The following KCNH8 variants were observed in gnomAD, a reference collection of about 807,000 sequenced individuals.
KCNH8 encodes voltage-gated delayed rectifier potassium channel KCNH8.
A neutral mutation model predicts 103.6 loss-of-function variants in KCNH8; 70 were observed. The observed-to-expected ratio is 0.68, with a 90% CI of 0.56 to 0.82. KCNH8 has a LOEUF of 0.82. Ranked by LOEUF, KCNH8 falls within the 40% of genes least tolerant of loss-of-function variation. The pLI, the probability that KCNH8 is intolerant of heterozygous loss-of-function variation, is 0.00. For missense variants in KCNH8, 1,217 were observed against 1,329.9 expected (o/e 0.92, Z 1.32); for synonymous variants, 498 against 489.4 (o/e 1.02, Z -0.23).
rs375561597 is a variant in KCNH8, at chr3:19,297,393, A to G, written c.442+16064A>G. On this transcript the variant is annotated intron_variant, in intron 3 of 15. Transcript: ENST00000328405. Reference sequence around the variant, plus strand: ...AGATTCAGCAATACCTAGATGATACATTGATGAAAATATAAGTTATTTAAC... The same window carrying G: ...AGATTCAGCAATACCTAGATGATACGTTGATGAAAATATAAGTTATTTAAC... Among the ~76,000 whole-genome samples, 14 of 152,342 alleles carry G rather than the reference A, an allele frequency of 9.2e-5. 1 individual carries two copies. Among genetic ancestry groups the G allele is most frequent in the Admixed American group, 4.6e-4 (7 of 15,296 alleles).
chr3:19,527,779 GTTGT>G (rs1575177154), intron 15 of KCNH8, among the ~76,000 whole-genome samples: 1 of 152,092 alleles, frequency 6.6e-6, no homozygotes, highest in Non-Finnish European at 1.5e-5. Flanking sequence ...GACAGGGGAT[GTTGT>G]TTAACAAGAG....
At chr3:19,249,913 T>G (rs1159497923) in intron 1 of KCNH8, among the ~76,000 whole-genome samples, 1 of 152,174 alleles carries the variant, frequency 6.6e-6, no homozygotes, top group Non-Finnish European at 1.5e-5. Context: ...TTATATAGTC[T>G]TTATGGGGTA....
chr3:19,158,224 C>T (rs190691129), intron 1 of KCNH8, among the ~76,000 whole-genome samples: 30 of 151,504 alleles, frequency 2.0e-4, no homozygotes, highest in Admixed American at 2.0e-3. Context: ...AACAATTCAT[C>T]TTCTTTATGT....
rs77481073 is a variant in KCNH8, at chr3:19,477,775, A to C, written c.2040+20793A>C. ...CAAATACATCTTCTTCTTTAAATCT[A>C]TTTATTTATTATTTACATTTAGGAA... On this transcript the variant is annotated intron_variant, in intron 11 of 15. Coordinates refer to ENST00000328405, the MANE Select transcript of KCNH8 (RefSeq NM_144633.3). Among the ~76,000 whole-genome samples the C allele has an allele frequency of 0.024, 3,655 of 152,272 alleles. 236 individuals are homozygous for C. In the East Asian group the frequency reaches 0.26, roughly 11 times the overall value.
intron 1 of KCNH8, among the ~76,000 whole-genome samples, chr3:19,203,689 TAAG>T (rs891631868): frequency 6.6e-5 from 10 of 152,158 alleles, no homozygotes; most frequent in Middle Eastern, 3.5e-3. Flanking sequence ...TAGAAATAGA[TAAG>T]AAACTCTTCA....
intron 2 of KCNH8, among the ~76,000 whole-genome samples, chr3:19,267,718 A>G (rs1469531887): frequency 6.6e-6 from 1 of 152,128 alleles, no homozygotes; most frequent in Non-Finnish European, 1.5e-5. Flanking sequence ...CGGATAAAGA[A>G]AGTAAGCTAT....
In KCNH8 at chr3:19,198,440, C is replaced by T. The variant is rs577363897; in HGVS notation, c.76+49645C>T. 3.3e-5 allele frequency among the ~76,000 whole-genome samples: 5 copies of T among 151,988 alleles called. No individual in the cohort carries two copies. The South Asian group carries it at 1.0e-3, about 32-fold the overall frequency. On this transcript the variant is annotated intron_variant, in intron 1 of 15. Coordinates refer to ENST00000328405, the MANE Select transcript of KCNH8 (RefSeq NM_144633.3). Reference sequence around the variant, plus strand: ...AGTGGGTTCAGGTTTGGCTGTGGTACAAAATAAAGCTGGAGAAGTCACAGA... The same window carrying T: ...AGTGGGTTCAGGTTTGGCTGTGGTATAAAATAAAGCTGGAGAAGTCACAGA...
intron 5 of KCNH8, among the ~76,000 whole-genome samples, chr3:19,348,847 A>C (rs547982884): frequency 4.3e-4 from 66 of 152,254 alleles, no homozygotes; most frequent in African/African-American, 1.4e-3. Flanking sequence ...AAAGAAAAAT[A>C]AATAATTAAG....
chr3:19,498,529 C>A (rs1358844329), intron 11 of KCNH8, among the ~76,000 whole-genome samples: 4 of 152,146 alleles, frequency 2.6e-5, no homozygotes, highest in African/African-American at 9.7e-5. Flanking sequence ...ATATAAAATT[C>A]TTGGTGGAAA....
At chr3:19,198,725 C>T (rs1176876851) in intron 1 of KCNH8, among the ~76,000 whole-genome samples, 2 of 152,026 alleles carry the variant, frequency 1.3e-5, no homozygotes, top group Admixed American at 6.6e-5. Context: ...TACCCACTCC[C>T]CACTGATGTT....
intron 7 of KCNH8, among the ~76,000 whole-genome samples, chr3:19,407,568 T>A (rs1452419722): frequency 6.6e-6 from 1 of 151,898 alleles, no homozygotes; most frequent in African/African-American, 2.4e-5. Flanking sequence ...CAGGCAGATA[T>A]CCAGGTATTT....
chr3:19,178,317 G>C (rs1047442666), intron 1 of KCNH8, among the ~76,000 whole-genome samples: 2 of 152,000 alleles, frequency 1.3e-5, no homozygotes, highest in African/African-American at 4.8e-5. Context: ...AGGGCTAGTG[G>C]TCTCTTTCAG....
In KCNH8 at chr3:19,364,620, G is replaced by A. The variant is rs79644537; in HGVS notation, c.811+16655G>A. Among the ~76,000 whole-genome samples the A allele has an allele frequency of 8.5e-5, 13 of 152,106 alleles. No individual in the cohort carries two copies. In the East Asian group the frequency reaches 2.5e-3, roughly 30 times the overall value. On this transcript the variant is annotated intron_variant, in intron 5 of 15. Transcript: ENST00000328405. ...ACTACACTACCACTTCAGATTCCCA[G>A]TGAGGTGTAAGGTAGTAAGTGTCTT...
intron 3 of KCNH8, among the ~76,000 whole-genome samples, chr3:19,309,214 C>A (rs1346962260): frequency 6.6e-6 from 1 of 151,916 alleles, no homozygotes; most frequent in East Asian, 1.9e-4. Context: ...ACAGCAAGTG[C>A]TGCCATTGTC....
chr3:19,503,919 A>G (rs1194611542), intron 11 of KCNH8, among the ~76,000 whole-genome samples: 1 of 151,792 alleles, frequency 6.6e-6, no homozygotes, highest in Admixed American at 6.6e-5. Context: ...CCTAAAACTT[A>G]AAGTATAATA....
intron 5 of KCNH8, among the ~76,000 whole-genome samples, chr3:19,357,289 G>A (rs2065892449): frequency 6.7e-6 from 1 of 149,308 alleles, no homozygotes; most frequent in Non-Finnish European, 1.5e-5. Flanking sequence ...TAGATAGAAG[G>A]AGATGGTGTT....
intron 3 of KCNH8, among the ~76,000 whole-genome samples, chr3:19,333,958 A>G (rs1404352158): frequency 2.0e-5 from 3 of 152,168 alleles, no homozygotes; most frequent in East Asian, 1.9e-4. Context: ...CTTTTGGGAT[A>G]CAAGTTTATG....
intron 11 of KCNH8, among the ~76,000 whole-genome samples, chr3:19,506,258 C>T (rs191335633): frequency 2.6e-5 from 4 of 152,120 alleles, no homozygotes; most frequent in East Asian, 1.9e-4. Context: ...AGAGTTCTTA[C>T]GCTGGTTCTT....
intron 5 of KCNH8, among the ~76,000 whole-genome samples, chr3:19,383,764 A>G (rs1034277277): frequency 7.2e-5 from 11 of 152,278 alleles, no homozygotes; most frequent in South Asian, 2.1e-4. Context: ...TTTTAATTGC[A>G]TGATTGAATA....
Sources: allele counts gnomAD v4.1 joint callset (sites outside exome capture counted in the v4.1 genomes callset), GRCh38; gene constraint gnomAD v4.1.1; transcripts MANE v1.5; gene names NCBI Gene and HGNC (gene_info 2026-07-23, HGNC 2026-07-21).